Variants in ANKS1B observed in about 807,000 individuals in gnomAD.
ANKS1B encodes the protein ankyrin repeat and sterile alpha motif domain containing 1B.
Under a neutral mutation model 148.3 loss-of-function variants are expected in ANKS1B, and 36 were observed. That is an observed-to-expected ratio of 0.24 (90% CI 0.19 to 0.32). The LOEUF (loss-of-function observed/expected upper bound fraction) is 0.32, where lower values mean the gene tolerates loss of function less well. ANKS1B is among the 10% of genes least tolerant of loss of function. The probability of loss-of-function intolerance (pLI) is 1.00; values close to 1 mark genes in which losing one functional copy is unlikely to be tolerated. For synonymous variants in ANKS1B, 542 were observed against 560.8 expected, an observed-to-expected ratio of 0.97 and a Z score of 0.47; for missense variants, 1,157 against 1,542.6, an observed-to-expected ratio of 0.75 and a Z score of 4.19.
intron 3 of ANKS1B, among the ~76,000 whole-genome samples, chr12:99,807,290 T>C (rs148891857): frequency 6.6e-6 from 1 of 152,276 alleles, no homozygotes; most frequent in East Asian, 1.9e-4. Context: ...TGGACCTAGA[T>C]CAGTTCCCAG....
chr12:99,928,088 T>C (rs1220791698), intron 1 of ANKS1B, among the ~76,000 whole-genome samples: 1 of 152,004 alleles, frequency 6.6e-6, no homozygotes, highest in Non-Finnish European at 1.5e-5. Flanking sequence ...TATGAAGTAG[T>C]TATTCATACA....
At chr12:98,936,748 G>A (rs2099819145) in intron 17 of ANKS1B, among the ~76,000 whole-genome samples, 1 of 151,880 alleles carries the variant, frequency 6.6e-6, no homozygotes, top group South Asian at 2.1e-4. Context: ...GTGGTCTTAA[G>A]TCAATTTAAT....
At chr12:99,191,475 G>GA in intron 14 of ANKS1B, among the ~76,000 whole-genome samples, 1 of 152,306 alleles carries the variant, frequency 6.6e-6, no homozygotes, top group South Asian at 2.1e-4. Context: ...ACTGGATAAA[G>GA]AAAATGTGGC....
At chr12:99,080,759 T>G (rs1429559758) in intron 16 of ANKS1B, among the ~76,000 whole-genome samples, 5 of 152,204 alleles carry the variant, frequency 3.3e-5, no homozygotes, top group Non-Finnish European at 7.3e-5. Context: ...AACTAAGTTT[T>G]ATGTTGAAAA....
intron 17 of ANKS1B, among the ~76,000 whole-genome samples, chr12:98,993,929 A>G (rs61617785): frequency 0.036 from 5,489 of 152,316 alleles, 349 homozygotes; most frequent in African/African-American, 0.13. Flanking sequence ...TCGTAGGAAT[A>G]TGAGTTGAAA....
intron 10 of ANKS1B, among the ~76,000 whole-genome samples, chr12:99,479,721 G>A (rs1204993132): frequency 6.6e-6 from 1 of 151,898 alleles, no homozygotes; most frequent in Admixed American, 6.6e-5. Flanking sequence ...ACCAGACGTT[G>A]GAGAGGTGGG....
chr12:99,150,760 T>C (rs1325053321), intron 15 of ANKS1B, among the ~76,000 whole-genome samples: 1 of 152,072 alleles, frequency 6.6e-6, no homozygotes, highest in Non-Finnish European at 1.5e-5. Context: ...ACATTCTCTA[T>C]GTTGCAAACT....
rs148110130 is a variant in ANKS1B, at chr12:98,780,911, C to A, written c.3441+206G>T. ...GAAACCCCAGATCAAGCCCTTCCCCCAAATGGTTCCTTTCTGTATGTATGA... is the reference window on the plus strand; with the variant it reads ...GAAACCCCAGATCAAGCCCTTCCCCAAAATGGTTCCTTTCTGTATGTATGA... On this transcript the variant is annotated intron_variant, in intron 24 of 26. Transcript: ENST00000683438. Among the ~76,000 whole-genome samples the A allele has an allele frequency of 4.6e-5, 7 of 151,910 alleles. No homozygotes were observed. The East Asian group carries it at 1.4e-3, about 29-fold the overall frequency.
chr12:98,751,474 C>T lies in ANKS1B; in HGVS notation c.3628G>A (p.Ala1210Thr), dbSNP rs2098088209. 3.1e-6 allele frequency: 5 copies of T among 1,613,806 alleles called. No homozygotes were observed. The highest frequency in any genetic ancestry group is 2.7e-5 in the African/African-American group (2 of 74,898). Reference protein sequence around the residue: ...ILTLGQAFEVAYQLALQARKG... With the variant: ...ILTLGQAFEVTYQLALQARKG... ...CTTGCTTGTAGTGCTAGCTGGTAAG[C>T]GACTTCGAATGCCTGTCCCAGGGTT... The change falls in exon 26 of 27, where the codon GCT (alanine) becomes ACT (threonine). Residue 1210 changes from alanine (A) to threonine (T), a missense_variant. Ala to Thr is a moderately conservative substitution (Grantham distance 58). Around this residue, in one of 6 missense-constraint regions of ANKS1B, gnomAD observed 258 missense variants for 497.0 expected, o/e 0.52. Coordinates refer to ENST00000683438, the MANE Select transcript of ANKS1B (RefSeq NM_001352186.2). This position sits in a 1 kb window ranked among gnomAD's most constrained non-coding sequence, Gnocchi z 4.3.
chr12:98,804,052 G>A (rs1366431362), intron 20 of ANKS1B, among the ~76,000 whole-genome samples: 2 of 152,158 alleles, frequency 1.3e-5, no homozygotes, highest in South Asian at 2.1e-4. Context: ...TTTAGACAGC[G>A]CCATCATCTG....
At chr12:99,152,499 A>G (rs2075199504) in intron 15 of ANKS1B, among the ~76,000 whole-genome samples, 1 of 152,170 alleles carries the variant, frequency 6.6e-6, no homozygotes, top group Non-Finnish European at 1.5e-5. Flanking sequence ...GTGCTTATAC[A>G]TGATTCATTC....
chr12:99,535,695 ACTT>A (rs1426421825), intron 9 of ANKS1B, among the ~76,000 whole-genome samples: 2 of 152,098 alleles, frequency 1.3e-5, no homozygotes, highest in Non-Finnish European at 2.9e-5. Flanking sequence ...TCACAATTCT[ACTT>A]CTTCAAGTTC....
In ANKS1B at chr12:98,757,096, G is replaced by A. The variant is rs115856570; in HGVS notation, c.3580-5574C>T. Among the ~76,000 whole-genome samples the A allele has an allele frequency of 7.6e-3, 1,155 of 152,160 alleles. 17 individuals carry two copies. The highest frequency in any genetic ancestry group is 0.026 in the African/African-American group (1,095 of 41,532). On this transcript the variant is annotated intron_variant, in intron 25 of 26. Transcript: ENST00000683438. ...TGCTATCCTGAGATCATCATGCTAT[G>A]AGAATGCCTGAGCTAGCCACAAGGA...
At chr12:99,314,392 T>G (rs1433182798) in intron 12 of ANKS1B, among the ~76,000 whole-genome samples, 1 of 152,210 alleles carries the variant, frequency 6.6e-6, no homozygotes, top group African/African-American at 2.4e-5. Flanking sequence ...AACATCGACA[T>G]TCTTCACAGA....
At chr12:99,118,879 T>A (rs2062036209) in intron 15 of ANKS1B, among the ~76,000 whole-genome samples, 2 of 152,142 alleles carry the variant, frequency 1.3e-5, no homozygotes, top group South Asian at 4.2e-4. Flanking sequence ...TGAGCTTCTC[T>A]TATGTATGTT....
intron 8 of ANKS1B, among the ~76,000 whole-genome samples, chr12:99,768,492 T>A (rs2062860966): frequency 6.6e-6 from 1 of 151,966 alleles, no homozygotes; most frequent in Non-Finnish European, 1.5e-5. Context: ...TGGGAGGTCA[T>A]CAGATGATAA....
At chr12:98,930,175 A>C (rs2099812475) in intron 17 of ANKS1B, among the ~76,000 whole-genome samples, 2 of 152,164 alleles carry the variant, frequency 1.3e-5, no homozygotes, top group Non-Finnish European at 2.9e-5. Flanking sequence ...ACCAATAAAC[A>C]CATGAAAAGT....
intron 17 of ANKS1B, among the ~76,000 whole-genome samples, chr12:99,006,470 C>G (rs1290837867): frequency 6.6e-6 from 1 of 152,158 alleles, no homozygotes; most frequent in African/African-American, 2.4e-5. Flanking sequence ...CTCCTCATTC[C>G]TATAAACATT....
At chr12:99,906,181 G>A (rs1316249985) in intron 1 of ANKS1B, among the ~76,000 whole-genome samples, 1 of 152,174 alleles carries the variant, frequency 6.6e-6, no homozygotes, top group Non-Finnish European at 1.5e-5. Context: ...CTGGAACAAA[G>A]TCTGGTATTG....
Sources: gnomAD v4.1 joint callset for allele counts (sites outside exome capture counted in the v4.1 genomes callset) on GRCh38, gnomAD v4.1.1 for gene constraint, gnomAD v4.1.1 regional missense constraint, Gnocchi (gnomAD v3.1) non-coding constraint, MANE v1.5 for transcripts, NCBI Gene and HGNC (gene_info 2026-07-23, HGNC 2026-07-21) for gene names.